The following QSOX2 variants were observed in gnomAD, a reference collection of about 807,000 sequenced individuals.
QSOX2 encodes quiescin sulfhydryl oxidase 2, also known as sulfhydryl oxidase 2.
QSOX2 carries 46 observed loss-of-function variants against 61.7 expected under a neutral mutation model. That is an observed-to-expected ratio of 0.75 (90% CI 0.59 to 0.95). The LOEUF (loss-of-function observed/expected upper bound fraction) is 0.95, where lower values mean the gene tolerates loss of function less well. Ranked by LOEUF, QSOX2 falls within the 40% of genes least tolerant of loss-of-function variation. QSOX2 has a pLI of 0.00. For synonymous variants in QSOX2, 383 were observed against 388.4 expected, an observed-to-expected ratio of 0.99 and a Z score of 0.16; for missense variants, 879 against 918.9, an observed-to-expected ratio of 0.96 and a Z score of 0.56.
intron 6 of QSOX2, among the ~76,000 whole-genome samples, 162 bp from the exon 7 acceptor site, chr9:136,219,326 G>A (rs879375248): frequency 4.6e-5 from 7 of 152,156 alleles, no homozygotes; most frequent in African/African-American, 9.7e-5. Context: ...CCTGGGCTCC[G>A]GCTGCGCTTC....
At chr9:136,216,091 C>G (rs970087301) in intron 9 of QSOX2, among the ~76,000 whole-genome samples, 1 of 152,192 alleles carries the variant, frequency 6.6e-6, no homozygotes, top group South Asian at 2.1e-4. Context: ...ACAAGCAGCA[C>G]GCTGGGTTTA....
intron 1 of QSOX2, among the ~76,000 whole-genome samples, chr9:136,241,270 G>A (rs1289968822): frequency 1.3e-5 from 2 of 152,110 alleles, no homozygotes; most frequent in Non-Finnish European, 2.9e-5. Context: ...CCATCCTCCC[G>A]AGTCCAGTGA....
chr9:136,211,827 G>A (rs1018604499), intron 10 of QSOX2, among the ~76,000 whole-genome samples: 7 of 152,198 alleles, frequency 4.6e-5, no homozygotes, highest in Non-Finnish European at 5.9e-5. Context: ...CCGGAGTGCC[G>A]CTCTTCCCCG....
At chr9:136,234,207 C>T (rs780661219) in intron 1 of QSOX2, among the ~76,000 whole-genome samples, 1 of 152,218 alleles carries the variant, frequency 6.6e-6, no homozygotes, top group Admixed American at 6.5e-5. Flanking sequence ...TCTCTAGCTT[C>T]CTTTACTGTA....
chr9:136,233,091 ACT>A (rs749523569), intron 1 of QSOX2, among the ~76,000 whole-genome samples: 3 of 152,154 alleles, frequency 2.0e-5, no homozygotes, highest in Non-Finnish European at 2.9e-5. Flanking sequence ...GGAGAGGCTG[ACT>A]CTGCTGTTTG....
intron 1 of QSOX2, 62 bp downstream of exon 1, chr9:136,245,414 A>G: frequency 1.4e-6 from 2 of 1,418,838 alleles, no homozygotes; most frequent in South Asian, 1.3e-5. Flanking sequence ...GGCGGTCGCA[A>G]GGGGTCCCGG....
chr9:136,209,752 C>T lies in QSOX2; in HGVS notation c.1550-477G>A. ...CCACCTGGGTGCTATGGACAGTGGG[C>T]CTTAGGTGCACCTTCAGGAAAGGGC... On this transcript the variant is annotated intron_variant, in intron 11 of 11. Transcript: ENST00000358701. The surrounding 1 kb of genome is among the most constrained non-coding windows in gnomAD (Gnocchi z 5.6). The T allele has an allele frequency of 1.0e-6, 1 of 984,892 alleles. No individual in the cohort carries two copies. Among genetic ancestry groups the T allele is most frequent in the Non-Finnish European group, 1.2e-6 (1 of 829,720 alleles). The allele number at this position is 984,892 out of a possible 1,614,324, so 61.0% of individuals were successfully genotyped here.
chr9:136,211,169 G>T, intron 11 of QSOX2, 95 bp downstream of exon 11: 2 of 1,368,712 alleles, frequency 1.5e-6, no homozygotes, highest in South Asian at 1.3e-5. Context: ...CAAAGCTCAG[G>T]GACAAGCCCC....
At chr9:136,245,185 G>T (rs931813158) in intron 1 of QSOX2, among the ~76,000 whole-genome samples, 7 of 152,192 alleles carry the variant, frequency 4.6e-5, no homozygotes, top group Non-Finnish European at 2.9e-5. Context: ...CAAGCGTGCG[G>T]TGAGGGCTGC....
rs1221304791 is a variant in QSOX2, at chr9:136,218,718, C to G, written c.1047G>C (p.Glu349Asp). 1 of 1,613,828 alleles carries G rather than the reference C, an allele frequency of 6.2e-7. No individual in the cohort carries two copies. The highest frequency in any genetic ancestry group is 8.5e-7 in the Non-Finnish European group (1 of 1,180,024). The change falls in exon 8 of 12, where the codon GAG (glutamate) becomes GAC (aspartate). Residue 349 changes from glutamate to aspartate, a missense_variant. Transcript: ENST00000358701. ...LAAHKSLAGA[E>D]LKTLKDFVTV... ...TCACAAAGTCCTTGAGCGTCTTCAG[C>G]TCTGCTCCGGCCAGGGACTTGTGGG...
chr9:136,239,575 G>A (rs767521666), intron 1 of QSOX2, among the ~76,000 whole-genome samples: 11 of 152,238 alleles, frequency 7.2e-5, no homozygotes, highest in Non-Finnish European at 1.2e-4. Flanking sequence ...ATCCCGGAGC[G>A]TGAATTCACG....
At position 136,209,279 on chromosome 9, in the gene QSOX2, G is replaced by C; in HGVS notation, c.1550-4C>G. ...CGGGGATCCTCACTCAGATGGCCTA[G>C]GAAGAAAAGGAAGCGGGAGAGCCAG... On this transcript the variant is annotated splice_region_variant and splice_polypyrimidine_tract_variant and intron_variant, in intron 11 of 11. Transcript: ENST00000358701. The surrounding 1 kb of genome is among the most constrained non-coding windows in gnomAD (Gnocchi z 5.6). 1.2e-6 allele frequency: 2 copies of C among 1,608,098 alleles called. No homozygotes were observed. The highest frequency in any genetic ancestry group is 2.2e-5 in the South Asian group (2 of 90,930).
At chr9:136,218,525 T>C (rs1233900651) in intron 8 of QSOX2, among the ~76,000 whole-genome samples, 154 bp downstream of exon 8, 1 of 152,068 alleles carries the variant, frequency 6.6e-6, no homozygotes, top group African/African-American at 2.4e-5. Context: ...GGGAAATGGG[T>C]GGAATGAGTT....
At chr9:136,231,897 TCTCCACCCC>T (rs1204719900) in intron 1 of QSOX2, among the ~76,000 whole-genome samples, 23 of 36,172 alleles carry the variant, frequency 6.4e-4, no homozygotes, top group Admixed American at 2.0e-3. Context: ...CCCTCCACCC[TCTCCACCCC>T]CTCCACCCCC....
In QSOX2 at chr9:136,223,105, C is replaced by T. The variant is rs894952611; in HGVS notation, c.675+658G>A. ...GGGCAAAGCTGTTTCCTACATTCACCGCAAGGCCCCTCACAGTGGACAGAA... is the reference window on the plus strand; with the variant it reads ...GGGCAAAGCTGTTTCCTACATTCACTGCAAGGCCCCTCACAGTGGACAGAA... On this transcript the variant is annotated intron_variant, in intron 5 of 11. Transcript: ENST00000358701. This position sits in a 1 kb window ranked among gnomAD's most constrained non-coding sequence, Gnocchi z 4.4. 6.6e-6 allele frequency among the ~76,000 whole-genome samples: 1 copy of T among 152,190 alleles called. No homozygotes were observed. Among genetic ancestry groups the T allele is most frequent in the Non-Finnish European group, 1.5e-5 (1 of 68,030 alleles).
rs1264528746 is a variant in QSOX2 at position 136,210,625 on chromosome 9, G to GAAAAA, written c.1549+634_1549+638dup. 3.0e-6 allele frequency: 3 copies of GAAAAA among 985,308 alleles called. No homozygotes were observed. In the Admixed American group the frequency reaches 1.8e-4, roughly 61 times the overall value. 61.0% of individuals were successfully genotyped at this position (985,308 alleles called of 1,614,324 possible). On this transcript the variant is annotated intron_variant, in intron 11 of 11. Coordinates refer to ENST00000358701, the MANE Select transcript of QSOX2 (RefSeq NM_181701.4). ...CCCCGGCAGTCAGGCTCAGGGCAAA[G>GAAAAA]AAAAACCAATTTCTTTAGTGCTTCA...
In QSOX2 at chr9:136,224,030, G is replaced by A; in HGVS notation, c.561C>T (p.Ala187=). Residue 187 remains alanine (A), a synonymous_variant, in exon 4 of 12, where the codon GCC becomes GCT. Coordinates refer to ENST00000358701, the MANE Select transcript of QSOX2 (RefSeq NM_181701.4). ...ACTGAATGGGGTCTAGGCGCGGGCA[G>A]GCAGGGGGCCGGCTTCCTTCCGTGT... ...QNHTEGSRPP[A]CPRLDPIQPS... The A allele has an allele frequency of 1.2e-6, 2 of 1,614,066 alleles. No homozygotes were observed. The highest frequency in any genetic ancestry group is 1.7e-6 in the Non-Finnish European group (2 of 1,179,984).
Position 136,227,716 on chromosome 9 carries a change from T to C in QSOX2, c.329-842A>G, listed in dbSNP as rs550092756. ...TCCACTGGGCATGGTGGCTCATGCCTGGAATCCCAGCACTTTGGGAGGCCG... is the reference window on the plus strand; with the variant it reads ...TCCACTGGGCATGGTGGCTCATGCCCGGAATCCCAGCACTTTGGGAGGCCG... On this transcript the variant is annotated intron_variant, in intron 1 of 11. Transcript: ENST00000358701. Among the ~76,000 whole-genome samples, 320 of 152,310 alleles carry C rather than the reference T, an allele frequency of 2.1e-3. 3 individuals are homozygous for C. The highest frequency in any genetic ancestry group is 7.5e-3 in the African/African-American group (311 of 41,578).
chr9:136,237,519 CGGCG>C (rs754040742), intron 1 of QSOX2, among the ~76,000 whole-genome samples: 262 of 101,856 alleles, frequency 2.6e-3, no homozygotes, highest in African/African-American at 1.0e-2. Flanking sequence ...CGTCCTGTGC[CGGCG>C]ACACCTGGAG....
Sources: allele counts gnomAD v4.1 joint callset (sites outside exome capture counted in the v4.1 genomes callset), GRCh38; gene constraint gnomAD v4.1.1; non-coding constraint Gnocchi (gnomAD v3.1); transcripts MANE v1.5; gene names NCBI Gene and HGNC (gene_info 2026-07-23, HGNC 2026-07-21).